The following USP54 variants were observed in gnomAD, a reference collection of about 807,000 sequenced individuals.
USP54 encodes the protein ubiquitin carboxyl-terminal hydrolase 54.
In USP54, 87 loss-of-function variants were observed where a neutral mutation model predicts 170.5. The observed-to-expected ratio is 0.51, with a 90% CI of 0.43 to 0.61. The LOEUF (loss-of-function observed/expected upper bound fraction) is 0.61. Ranked by LOEUF, USP54 falls within the 20% of genes least tolerant of loss-of-function variation. The probability of loss-of-function intolerance (pLI) is 0.00; values close to 1 mark genes in which losing one functional copy is unlikely to be tolerated. For missense variants in USP54, 1,786 were observed against 2,047.8 expected, an observed-to-expected ratio of 0.87 and a Z score of 2.47; for synonymous variants, 655 against 742.8, an observed-to-expected ratio of 0.88 and a Z score of 1.92.
chr10:73,604,099 A>G (rs970777113), intron 1 of USP54, among the ~76,000 whole-genome samples: 2 of 151,794 alleles, frequency 1.3e-5, no homozygotes, highest in African/African-American at 4.8e-5. Flanking sequence ...AAATACAAAA[A>G]TTAGCCGTGT....
chr10:73,573,547 T>C (rs1484005318), intron 3 of USP54, among the ~76,000 whole-genome samples: 2 of 152,144 alleles, frequency 1.3e-5, no homozygotes, highest in Non-Finnish European at 2.9e-5. Flanking sequence ...GCAGATTACC[T>C]GAGGTGAGGG....
chr10:73,574,359 A>C (rs372079588), intron 3 of USP54, among the ~76,000 whole-genome samples: 5 of 152,350 alleles, frequency 3.3e-5, no homozygotes, highest in African/African-American at 9.6e-5. Flanking sequence ...ACTAGACTCC[A>C]TTCAATATGT....
chr10:73,552,187 A>G (rs1348575131), intron 4 of USP54, among the ~76,000 whole-genome samples: 1 of 152,118 alleles, frequency 6.6e-6, no homozygotes, highest in East Asian at 1.9e-4. Context: ...TTTCTCTTTT[A>G]AAAGAGAGTT....
intron 1 of USP54, among the ~76,000 whole-genome samples, chr10:73,583,503 C>T (rs2077126417): frequency 6.6e-6 from 1 of 152,170 alleles, no homozygotes; most frequent in Non-Finnish European, 1.5e-5. Flanking sequence ...CCAGGCTGGT[C>T]TCAAACTGCT....
At chr10:73,618,825 T>C (rs1271426178) in intron 1 of USP54, among the ~76,000 whole-genome samples, 1 of 149,174 alleles carries the variant, frequency 6.7e-6, no homozygotes, top group African/African-American at 2.6e-5. Flanking sequence ...GGCAGGAGAA[T>C]TGCTTGAACC....
chr10:73,530,331 G>A lies in USP54; in HGVS notation c.1640C>T (p.Thr547Ile), dbSNP rs1194169877. The change falls in exon 14 of 24, where the codon ACC becomes ATC. Residue 547 changes from threonine to isoleucine, a missense_variant. This residue lies in a region of USP54 where 1,418 missense variants were observed against 1,569.0 expected (regional missense o/e 0.90). Transcript: ENST00000687698. Reference sequence around the variant, plus strand: ...CCAGTCACGAGAGTGTAAAGGCAGGGTCCTAGGAGGTTTTTTGTCAGGCTG... The same window carrying A: ...CCAGTCACGAGAGTGTAAAGGCAGGATCCTAGGAGGTTTTTTGTCAGGCTG... Reference protein sequence around the residue: ...GDQPDKKPPRTLPLHSRDWEI... With the variant: ...GDQPDKKPPRILPLHSRDWEI... 3 of 1,614,062 alleles carry A rather than the reference G, an allele frequency of 1.9e-6. No homozygotes were observed.
rs931778033 is a variant in USP54, at chr10:73,527,498, CA to C, written c.2061-719del. 5.0e-3 allele frequency among the ~76,000 whole-genome samples: 263 copies of C among 52,144 alleles called. 1 individual carries two copies. Among genetic ancestry groups the C allele is most frequent in the African/African-American group, 0.013 (185 of 13,726 alleles). 34.2% of individuals were successfully genotyped at this position (52,144 alleles called of 152,430 possible). On this transcript the variant is annotated intron_variant, in intron 15 of 23. Transcript: ENST00000687698. ...GGTGACAGAGCGAGACACTCCATCTCAAAAAAAAAAAAAAAAAAAAGAAAAC... is the reference window on the plus strand; with the variant it reads ...GGTGACAGAGCGAGACACTCCATCTCAAAAAAAAAAAAAAAAAAAGAAAAC...
At position 73,521,003 on chromosome 10, in the gene USP54, G is replaced by T; in HGVS notation, c.2387C>A (p.Ser796Tyr). 6.2e-7 allele frequency: 1 copy of T among 1,613,994 alleles called. No individual in the cohort carries two copies. Among genetic ancestry groups the T allele is most frequent in the East Asian group, 2.2e-5 (1 of 44,886 alleles). ...NQGRSDGFER[S>Y]LQEAESVFEE... ...AAACACTGACTCTGCCTCTTGCAGGGACCTCTCAAAGCCGTCACTCCTCCC... is the reference window on the plus strand; with the variant it reads ...AAACACTGACTCTGCCTCTTGCAGGTACCTCTCAAAGCCGTCACTCCTCCC... Residue 796 changes from serine to tyrosine, a missense_variant, in exon 18 of 24, where the codon TCC (serine) becomes TAC (tyrosine). Ser to Tyr is a moderately radical substitution (Grantham distance 144). Coordinates refer to ENST00000687698, the MANE Select transcript of USP54 (RefSeq NM_001391956.1).
chr10:73,498,704 C>G lies in USP54; in HGVS notation c.4980G>C (p.Gly1660=). 1 of 1,609,586 alleles carries G rather than the reference C, an allele frequency of 6.2e-7. No homozygotes were observed. The highest frequency in any genetic ancestry group is 8.5e-7 in the Non-Finnish European group (1 of 1,177,514). Reference sequence around the variant, plus strand: ...GAGCATCTGATAGAACAAACAGAAACCCCTCTCCCACTGTTCTCCTGTGTC... The same window carrying G: ...GAGCATCTGATAGAACAAACAGAAAGCCCTCTCCCACTGTTCTCCTGTGTC... The part of the protein sequence containing the change: ...HSGHRRTVGE[G]FLFVLSDAPR... The change falls in exon 24 of 24, where the codon GGG becomes GGC. Residue 1660 remains glycine, a synonymous_variant. Coordinates refer to ENST00000687698, the MANE Select transcript of USP54 (RefSeq NM_001391956.1).
At chr10:73,570,743 C>T (rs1327925237) in intron 4 of USP54, among the ~76,000 whole-genome samples, 1 of 152,010 alleles carries the variant, frequency 6.6e-6, no homozygotes, top group Non-Finnish European at 1.5e-5. Flanking sequence ...GAGTTTATTG[C>T]TAAATTTAGC....
intron 1 of USP54, among the ~76,000 whole-genome samples, chr10:73,583,349 G>T (rs564465765): frequency 1.3e-5 from 2 of 152,228 alleles, no homozygotes; most frequent in Admixed American, 1.3e-4. Flanking sequence ...AAAATGGCGC[G>T]ATCTTGGCTT....
At chr10:73,614,561 CAAAAAAAAAAAA>C (rs60519884) in intron 1 of USP54, among the ~76,000 whole-genome samples, 2 of 50,244 alleles carry the variant, frequency 4.0e-5, no homozygotes, top group African/African-American at 1.7e-4. Context: ...ACTCCGTCTC[CAAAAAAAAAAAA>C]AAAAAAAAAG....
In USP54 at chr10:73,573,717, AT is replaced by A. The variant is rs369898155; in HGVS notation, c.147+1794del. On this transcript the variant is annotated intron_variant, in intron 3 of 23. Coordinates refer to ENST00000687698, the MANE Select transcript of USP54 (RefSeq NM_001391956.1). ...GAGGCGGAGGTGGCAGTGAGCTGAGATCCCACCACTGCACTCCAGCCTGGGC... is the reference window on the plus strand; with the variant it reads ...GAGGCGGAGGTGGCAGTGAGCTGAGACCCACCACTGCACTCCAGCCTGGGC... 1.2e-3 allele frequency among the ~76,000 whole-genome samples: 186 copies of A among 152,340 alleles called. 2 individuals carry two copies. Among genetic ancestry groups the A allele is most frequent in the African/African-American group, 4.1e-3 (170 of 41,582 alleles).
chr10:73,622,188 C>A (rs781237951), intron 1 of USP54, among the ~76,000 whole-genome samples: 33 of 152,102 alleles, frequency 2.2e-4, no homozygotes, highest in Non-Finnish European at 1.2e-4. Flanking sequence ...GTAACTAGTA[C>A]CAGCTGCAGA....
At position 73,583,126 on chromosome 10, in the gene USP54, G is replaced by C. The variant is rs1424871656; in HGVS notation, c.-581-6765C>G. 2.6e-5 allele frequency among the ~76,000 whole-genome samples: 4 copies of C among 152,146 alleles called. No individual in the cohort carries two copies. The South Asian group carries it at 8.3e-4, about 32-fold the overall frequency. ...GATCAATACTCTACAAAAATGTCAAGGTTATAAAAGACAAAGAAAGACTAA... is the reference window on the plus strand; with the variant it reads ...GATCAATACTCTACAAAAATGTCAACGTTATAAAAGACAAAGAAAGACTAA... On this transcript the variant is annotated intron_variant, in intron 1 of 23. Coordinates refer to ENST00000687698, the MANE Select transcript of USP54 (RefSeq NM_001391956.1).
At chr10:73,512,814 T>A (rs2060423768) in intron 20 of USP54, among the ~76,000 whole-genome samples, 1 of 152,218 alleles carries the variant, frequency 6.6e-6, no homozygotes. Context: ...AGAAGTATAG[T>A]CTTCTTCAAA....
At chr10:73,555,166 A>G (rs1245647681) in intron 4 of USP54, among the ~76,000 whole-genome samples, 1 of 152,238 alleles carries the variant, frequency 6.6e-6, no homozygotes, top group Non-Finnish European at 1.5e-5. Context: ...TTAATGTCTT[A>G]ATATCATCAC....
At chr10:73,539,655 C>T in intron 9 of USP54, 62 bp from the exon 10 acceptor site, 1 of 1,476,502 alleles carries the variant, frequency 6.8e-7, no homozygotes, top group Non-Finnish European at 9.1e-7. Flanking sequence ...CATCATCTCT[C>T]AGCAGACTCC....
chr10:73,566,316 T>C lies in USP54; in HGVS notation c.240+5105A>G, dbSNP rs1202560643. ...CAATGTAGATGCTCTTATAAACACA[T>C]TGCTGAGCTAAGAAACACACACAAA... On this transcript the variant is annotated intron_variant, in intron 4 of 23. Transcript: ENST00000687698. Among the ~76,000 whole-genome samples the C allele has an allele frequency of 2.6e-5, 4 of 152,182 alleles. No homozygotes were observed. In the East Asian group the frequency reaches 7.7e-4, roughly 29 times the overall value.
Sources: allele counts gnomAD v4.1 joint callset (sites outside exome capture counted in the v4.1 genomes callset), GRCh38; gene constraint gnomAD v4.1.1; regional missense constraint gnomAD v4.1.1; transcripts MANE v1.5; gene names NCBI Gene and HGNC (gene_info 2026-07-23, HGNC 2026-07-21).